UIMC1: variants seen among roughly 807,000 people sequenced by gnomAD.
The protein encoded by UIMC1 is ubiquitin interaction motif containing 1.
A neutral mutation model predicts 84.9 loss-of-function variants in UIMC1; 42 were observed. That is an observed-to-expected ratio of 0.49 (90% CI 0.39 to 0.64). The LOEUF is 0.64. Among genes scored for constraint, UIMC1 ranks in the 30% least tolerant of loss-of-function variants. The pLI is 0.00. For missense variants in UIMC1, 825 were observed against 847.6 expected, an observed-to-expected ratio of 0.97 and a Z score of 0.33; for synonymous variants, 281 against 293.0, an observed-to-expected ratio of 0.96 and a Z score of 0.42.
chr5:176,909,085 G>T (rs1345987683), intron 11 of UIMC1, among the ~76,000 whole-genome samples: 1 of 152,176 alleles, frequency 6.6e-6, no homozygotes, highest in East Asian at 1.9e-4. Flanking sequence ...AGCACCAAGA[G>T]CATTAAATTA....
chr5:176,967,103 A>T (rs537863966), intron 6 of UIMC1, among the ~76,000 whole-genome samples: 8 of 152,222 alleles, frequency 5.3e-5, no homozygotes, highest in Non-Finnish European at 1.2e-4. Context: ...AATGTATATG[A>T]TCTCTATGGA....
chr5:176,936,541 T>C (rs1187543999), intron 10 of UIMC1, among the ~76,000 whole-genome samples: 1 of 152,184 alleles, frequency 6.6e-6, no homozygotes, highest in Non-Finnish European at 1.5e-5. Flanking sequence ...GTTCCTCCCT[T>C]GCTCAAGGAA....
At chr5:177,001,090 T>C (rs150651492) in intron 1 of UIMC1, among the ~76,000 whole-genome samples, 52 of 152,330 alleles carry the variant, frequency 3.4e-4, no homozygotes, top group African/African-American at 1.1e-3. Context: ...CCCAGACCAA[T>C]GTCCTAGAGA....
chr5:176,938,240 TA>T (rs35080198), intron 10 of UIMC1, among the ~76,000 whole-genome samples: 323 of 111,860 alleles, frequency 2.9e-3, no homozygotes, highest in Non-Finnish European at 2.7e-3. Flanking sequence ...CCTTCCACAG[TA>T]AAAAAAAAAA....
At chr5:176,953,700 T>C (rs896222732) in intron 8 of UIMC1, among the ~76,000 whole-genome samples, 52 of 152,292 alleles carry the variant, frequency 3.4e-4, no homozygotes, top group African/African-American at 1.2e-3. Context: ...GGCTGAAATG[T>C]CCAACTAAGA....
chr5:176,905,357 A>T lies in UIMC1; in HGVS notation c.2085T>A (p.Phe695Leu), dbSNP rs765765713. 5.6e-6 allele frequency: 9 copies of T among 1,614,156 alleles called. No individual in the cohort carries two copies. Among genetic ancestry groups the T allele is most frequent in the Admixed American group, 5.0e-5 (3 of 60,026 alleles). Residue 695 changes from phenylalanine (F) to leucine (L), a missense_variant, in exon 15 of 15, where the codon TTT (phenylalanine) becomes TTA (leucine). Physicochemically the swap from Phe to Leu is conservative, Grantham distance 22. Transcript: ENST00000511320. ...ISEATDCLVD[F>L]KKQVTVQPGS... ...CTGGCTGGACAGTAACTTGCTTTTTAAAGTCCACTAAGCAATCTGTGGCTT... is the reference window on the plus strand; with the variant it reads ...CTGGCTGGACAGTAACTTGCTTTTTTAAGTCCACTAAGCAATCTGTGGCTT...
At chr5:176,942,497 C>T (rs2149441556) in intron 10 of UIMC1, among the ~76,000 whole-genome samples, 1 of 151,898 alleles carries the variant, frequency 6.6e-6, no homozygotes, top group South Asian at 2.1e-4. Flanking sequence ...AATCCCAACA[C>T]TTTGGGAGGC....
chr5:177,003,111 TA>T (rs905589356), intron 1 of UIMC1, among the ~76,000 whole-genome samples: 1 of 151,766 alleles, frequency 6.6e-6, no homozygotes, highest in Admixed American at 6.6e-5. Context: ...AAATTAAAGG[TA>T]AAAAAAATTA....
At chr5:176,948,752 T>C (rs564270321) in intron 9 of UIMC1, among the ~76,000 whole-genome samples, 1 of 152,348 alleles carries the variant, frequency 6.6e-6, no homozygotes, top group East Asian at 1.9e-4. Flanking sequence ...CAAAACATGG[T>C]GGAGCTGGGA....
In UIMC1 at chr5:176,987,772, T is replaced by G. The variant is rs570776457; in HGVS notation, c.-8-5149A>C. Among the ~76,000 whole-genome samples, 8 of 149,974 alleles carry G rather than the reference T, an allele frequency of 5.3e-5. No individual in the cohort carries two copies. In the South Asian group the frequency reaches 1.5e-3, roughly 28 times the overall value. On this transcript the variant is annotated intron_variant, in intron 1 of 14. Coordinates refer to ENST00000511320, the MANE Select transcript of UIMC1 (RefSeq NM_001199298.2). ...CCAGGAGGTTGAGGCTGCAGTAAAC[T>G]GTGATCACACCACTGCACTCCAGCC...
Position 176,988,027 on chromosome 5 carries a change from A to G in UIMC1, c.-8-5404T>C, listed in dbSNP as rs188594451. Among the ~76,000 whole-genome samples the G allele has an allele frequency of 2.5e-3, 373 of 149,144 alleles. 2 individuals carry two copies. Among genetic ancestry groups the G allele is most frequent in the African/African-American group, 8.5e-3 (346 of 40,498 alleles). On this transcript the variant is annotated intron_variant, in intron 1 of 14. Coordinates refer to ENST00000511320, the MANE Select transcript of UIMC1 (RefSeq NM_001199298.2). ...TAGTCCCAGTTAGTTGGGAGGCTCA[A>G]GTGGGAGGATGGAGGATCAATTGAG...
At chr5:177,012,691 T>C (rs973398585) in intron 1 of UIMC1, among the ~76,000 whole-genome samples, 5 of 150,932 alleles carry the variant, frequency 3.3e-5, no homozygotes, top group Non-Finnish European at 4.4e-5. Context: ...AGACCCTGTC[T>C]AAAAAAAAGA....
chr5:176,970,617 G>A, intron 4 of UIMC1, 125 bp downstream of exon 4: 1 of 1,471,044 alleles, frequency 6.8e-7, no homozygotes, highest in Non-Finnish European at 9.4e-7. Context: ...AATTACTATG[G>A]GAATTTTTGT....
intron 10 of UIMC1, among the ~76,000 whole-genome samples, chr5:176,937,876 A>G (rs1255067011): frequency 6.6e-6 from 1 of 152,144 alleles, no homozygotes; most frequent in African/African-American, 2.4e-5. Flanking sequence ...ATGGTCTCCC[A>G]GCTTGGCTTA....
In UIMC1 at chr5:176,905,037, G is replaced by A. The variant is rs563029786; in HGVS notation, c.*245C>T. On this transcript the variant is annotated 3_prime_UTR_variant, in exon 15 of 15. Coordinates refer to ENST00000511320, the MANE Select transcript of UIMC1 (RefSeq NM_001199298.2). ...TTTCCATCTATTGAAATAAGATTTC[G>A]TACAAACATAAATATATTTAAATTT... 79 of 345,996 alleles carry A rather than the reference G, an allele frequency of 2.3e-4. No homozygotes were observed. Among genetic ancestry groups the A allele is most frequent in the African/African-American group, 1.1e-3 (51 of 47,070 alleles). 21.4% of individuals were successfully genotyped at this position (345,996 alleles called of 1,614,324 possible). A position where few individuals can be genotyped will look rare whatever the true frequency, so the allele number is the denominator to read the frequency against.
intron 1 of UIMC1, among the ~76,000 whole-genome samples, chr5:177,018,178 CTG>C (rs1462157571): frequency 4.0e-5 from 6 of 151,796 alleles, no homozygotes; most frequent in African/African-American, 1.5e-4. Flanking sequence ...TGGTAAAATC[CTG>C]TCTCTAATAA....
chr5:177,001,614 GCC>G (rs1774465935), intron 1 of UIMC1: 3 of 152,052 alleles, frequency 2.0e-5, no homozygotes, highest in Admixed American at 2.0e-4. Context: ...AAAGGCATGG[GCC>G]CCAGAACAGT....
chr5:176,982,976 G>A (rs1771281994), intron 1 of UIMC1, among the ~76,000 whole-genome samples: 2 of 152,154 alleles, frequency 1.3e-5, no homozygotes, highest in Non-Finnish European at 2.9e-5. Flanking sequence ...TGAGATTACA[G>A]ACATGAGCCA....
chr5:176,914,074 C>CCAT (rs1561720850), intron 10 of UIMC1, among the ~76,000 whole-genome samples: 9 of 42,448 alleles, frequency 2.1e-4, no homozygotes, highest in South Asian at 1.4e-3. Flanking sequence ...TACCATACCA[C>CCAT]ACCACACCAC....
Sources: allele counts gnomAD v4.1 joint callset (sites outside exome capture counted in the v4.1 genomes callset), GRCh38; gene constraint gnomAD v4.1.1; transcripts MANE v1.5; gene names NCBI Gene and HGNC (gene_info 2026-07-23, HGNC 2026-07-21).